PPP1R12B: variants seen among roughly 807,000 people sequenced by gnomAD.
PPP1R12B encodes myosin phosphatase target subunit 2.
A neutral mutation model predicts 126.1 loss-of-function variants in PPP1R12B; 76 were observed. That is an observed-to-expected ratio of 0.60 (90% CI 0.50 to 0.73). The LOEUF is 0.73. Among genes scored for constraint, PPP1R12B ranks in the 30% least tolerant of loss-of-function variants. The pLI is 0.00. For missense variants in PPP1R12B, 1,052 were observed against 1,205.1 expected (o/e 0.87, Z 1.88); for synonymous variants, 356 against 434.7 (o/e 0.82, Z 2.25).
intron 12 of PPP1R12B, among the ~76,000 whole-genome samples, chr1:202,443,351 T>C (rs986119963): frequency 3.3e-5 from 5 of 152,248 alleles, no homozygotes; most frequent in Non-Finnish European, 5.9e-5. Context: ...ATAGCCTTCA[T>C]CATTAGGTTT....
At chr1:202,429,972 G>A (rs1169576039) in intron 6 of PPP1R12B, among the ~76,000 whole-genome samples, 1 of 152,166 alleles carries the variant, frequency 6.6e-6, no homozygotes, top group Non-Finnish European at 1.5e-5. Flanking sequence ...AGTTCATTTT[G>A]TTCTCTTTGT....
chr1:202,461,767 A>C (rs769478673), intron 13 of PPP1R12B, among the ~76,000 whole-genome samples: 1 of 152,084 alleles, frequency 6.6e-6, no homozygotes, highest in Non-Finnish European at 1.5e-5. Flanking sequence ...TGTGGTGACA[A>C]AGTAAGTGGC....
chr1:202,488,114 T>G (rs1281295483), intron 13 of PPP1R12B, among the ~76,000 whole-genome samples: 1 of 152,224 alleles, frequency 6.6e-6, no homozygotes, highest in Non-Finnish European at 1.5e-5. Context: ...TTGGGGCCAT[T>G]ATTAAGTAGA....
At chr1:202,567,431 G>T in intron 21 of PPP1R12B, 1 of 199,548 alleles carries the variant, frequency 5.0e-6, no homozygotes, top group Non-Finnish European at 1.0e-5. Context: ...CTCATAGAAT[G>T]AAGAGAGGAG....
At chr1:202,363,507 A>G (rs564026891) in intron 1 of PPP1R12B, among the ~76,000 whole-genome samples, 1 of 152,322 alleles carries the variant, frequency 6.6e-6, no homozygotes, top group African/African-American at 2.4e-5. Flanking sequence ...CCAAATCATT[A>G]ATCGTTTTGT....
intron 1 of PPP1R12B, among the ~76,000 whole-genome samples, chr1:202,398,450 A>G (rs1212616148): frequency 2.0e-5 from 3 of 152,248 alleles, no homozygotes; most frequent in African/African-American, 7.2e-5. Context: ...TCGTTATTAT[A>G]GCATTCATTG....
At chr1:202,495,862 T>C (rs1183222200) in intron 17 of PPP1R12B, among the ~76,000 whole-genome samples, 180 bp downstream of exon 17, 2 of 152,252 alleles carry the variant, frequency 1.3e-5, no homozygotes, top group Non-Finnish European at 2.9e-5. Flanking sequence ...ATGTTCCTGC[T>C]AGATTCCCAG....
intron 23 of PPP1R12B, among the ~76,000 whole-genome samples, chr1:202,572,531 C>T (rs141346214): frequency 2.6e-5 from 4 of 152,310 alleles, no homozygotes; most frequent in African/African-American, 9.6e-5. Context: ...GAATTCTCCT[C>T]AAGAGAAACT....
At chr1:202,538,744 A>G (rs1283911670) in intron 18 of PPP1R12B, among the ~76,000 whole-genome samples, 1 of 152,218 alleles carries the variant, frequency 6.6e-6, no homozygotes, top group Admixed American at 6.5e-5. Context: ...TAAATTTTAG[A>G]TGTTTCTTCC....
intron 10 of PPP1R12B, 124 bp from the exon 11 acceptor site, chr1:202,440,582 G>C (rs1671475449): frequency 1.6e-6 from 1 of 639,326 alleles, no homozygotes; most frequent in South Asian, 2.4e-5. Flanking sequence ...ACTCAAAATA[G>C]AATTAGTGTT....
intron 1 of PPP1R12B, among the ~76,000 whole-genome samples, chr1:202,383,915 G>A (rs1662736048): frequency 6.6e-6 from 1 of 152,086 alleles, no homozygotes; most frequent in Non-Finnish European, 1.5e-5. Flanking sequence ...CATGTAAGTT[G>A]TTTCTAGGAT....
chr1:202,514,509 A>G lies in PPP1R12B; in HGVS notation c.2490+17687A>G, dbSNP rs544632646. 2.7e-4 allele frequency among the ~76,000 whole-genome samples: 41 copies of G among 152,114 alleles called. 1 individual carries two copies. Among genetic ancestry groups the G allele is most frequent in the Non-Finnish European group, 4.7e-4 (32 of 68,016 alleles). ...CGTCATGAAATCTTTGCCCATTTCT[A>G]TGTCCAGGATGGTATTGCCTAGGTT... On this transcript the variant is annotated intron_variant, in intron 18 of 23. Coordinates refer to ENST00000608999, the MANE Select transcript of PPP1R12B (RefSeq NM_002481.4).
intron 1 of PPP1R12B, among the ~76,000 whole-genome samples, chr1:202,359,190 G>A (rs1404628135): frequency 6.6e-6 from 1 of 151,646 alleles, no homozygotes; most frequent in African/African-American, 2.4e-5. Flanking sequence ...TGTTGCCCAG[G>A]CTGGAGTGCA....
chr1:202,495,720 C>G, intron 17 of PPP1R12B, 38 bp downstream of exon 17: 1 of 1,537,750 alleles, frequency 6.5e-7, no homozygotes, highest in Non-Finnish European at 9.0e-7. Flanking sequence ...TATCATATTA[C>G]TCTTGGTCAC....
intron 1 of PPP1R12B, among the ~76,000 whole-genome samples, chr1:202,396,877 CT>C (rs1340546220): frequency 2.6e-5 from 4 of 152,174 alleles, no homozygotes; most frequent in Non-Finnish European, 5.9e-5. Context: ...TTCTCTTTTC[CT>C]TCCCTCCTAT....
intron 18 of PPP1R12B, among the ~76,000 whole-genome samples, chr1:202,546,609 GA>G (rs911553666): frequency 7.5e-5 from 11 of 147,646 alleles, no homozygotes; most frequent in African/African-American, 1.7e-4. Flanking sequence ...GTCTCAAAAA[GA>G]AAAAAAAAAT....
intron 23 of PPP1R12B, among the ~76,000 whole-genome samples, chr1:202,569,770 C>A (rs1388229571): frequency 1.3e-5 from 2 of 152,222 alleles, no homozygotes; most frequent in African/African-American, 2.4e-5. Flanking sequence ...GCTCATGCCA[C>A]CAGATACACT....
intron 1 of PPP1R12B, among the ~76,000 whole-genome samples, chr1:202,405,766 G>C (rs140493431): frequency 5.9e-5 from 9 of 152,234 alleles, no homozygotes; most frequent in Admixed American, 5.9e-4. Flanking sequence ...ACTGTATGCT[G>C]TACTGCTTAG....
chr1:202,502,594 A>G, intron 18 of PPP1R12B: 2 of 505,850 alleles, frequency 4.0e-6, no homozygotes, highest in African/African-American at 4.2e-5. Flanking sequence ...TACGGAATTT[A>G]CATTCTAGTG....
Sources: allele counts gnomAD v4.1 joint callset (sites outside exome capture counted in the v4.1 genomes callset), GRCh38; gene constraint gnomAD v4.1.1; transcripts MANE v1.5; gene names NCBI Gene and HGNC (gene_info 2026-07-23, HGNC 2026-07-21).